ST3GAL3: variants seen among roughly 807,000 people sequenced by gnomAD.
The protein encoded by ST3GAL3 is CMP-N-acetylneuraminate-beta-1,4-galactoside alpha-2,3-sialyltransferase.
ST3GAL3 carries 21 observed loss-of-function variants against 50.1 expected under a neutral mutation model. The observed-to-expected ratio is 0.42, with a 90% CI of 0.30 to 0.60. The LOEUF (loss-of-function observed/expected upper bound fraction) is 0.60, where lower values mean the gene tolerates loss of function less well. Ranked by LOEUF, ST3GAL3 falls within the 20% of genes least tolerant of loss-of-function variation. The pLI, the probability that ST3GAL3 is intolerant of heterozygous loss-of-function variation, is 0.19. For synonymous variants in ST3GAL3, 183 were observed against 190.0 expected, an observed-to-expected ratio of 0.96 and a Z score of 0.30; for missense variants, 353 against 489.4, an observed-to-expected ratio of 0.72 and a Z score of 2.63.
At chr1:43,767,392 G>A (rs1693486399) in intron 2 of ST3GAL3, among the ~76,000 whole-genome samples, 1 of 152,030 alleles carries the variant, frequency 6.6e-6, no homozygotes, top group Non-Finnish European at 1.5e-5. Context: ...AGGTCACAAA[G>A]GTCCTTCTTT....
chr1:43,765,743 CTGTGTGTGTCTGTGTGTG>C (rs143277134), intron 2 of ST3GAL3, among the ~76,000 whole-genome samples: 5,726 of 140,784 alleles, frequency 0.041, 388 homozygotes, highest in African/African-American at 0.14. Flanking sequence ...ATGTGTGTGT[CTGTGTGTGTCTGTGTGTG>C]TGTGTGTGTG....
intron 5 of ST3GAL3, chr1:43,858,005 C>T (rs752880822): frequency 3.2e-5 from 16 of 492,664 alleles, no homozygotes; most frequent in Admixed American, 2.2e-4. Context: ...CAAAACCAAC[C>T]GATCCCTCTT....
At chr1:43,882,563 C>G (rs570139270) in intron 5 of ST3GAL3, among the ~76,000 whole-genome samples, 55 of 152,304 alleles carry the variant, frequency 3.6e-4, no homozygotes, top group African/African-American at 1.2e-3. Context: ...ACAGTGTCTT[C>G]CTCCCTGCAG....
intron 2 of ST3GAL3, among the ~76,000 whole-genome samples, chr1:43,769,246 C>T (rs1384902912): frequency 2.0e-5 from 3 of 152,148 alleles, no homozygotes; most frequent in Non-Finnish European, 4.4e-5. Context: ...CTAGGACTAG[C>T]AGAGAGCTTT....
At chr1:43,882,053 G>A (rs1456436108) in intron 5 of ST3GAL3, among the ~76,000 whole-genome samples, 1 of 152,240 alleles carries the variant, frequency 6.6e-6, no homozygotes, top group African/African-American at 2.4e-5. Context: ...ACAGCCTGCG[G>A]GGGAACTGGG....
At chr1:43,748,125 C>T (rs1008931756) in intron 2 of ST3GAL3, among the ~76,000 whole-genome samples, 6 of 151,948 alleles carry the variant, frequency 3.9e-5, no homozygotes, top group African/African-American at 1.5e-4. Context: ...GAGCAGAAAC[C>T]AAATATATAT....
intron 2 of ST3GAL3, among the ~76,000 whole-genome samples, chr1:43,761,235 G>A (rs900507043): frequency 6.6e-6 from 1 of 152,178 alleles, no homozygotes; most frequent in Admixed American, 6.5e-5. Context: ...ATAGTCACAA[G>A]CCATTGCAGG....
intron 5 of ST3GAL3, among the ~76,000 whole-genome samples, chr1:43,878,270 A>G (rs1480518010): frequency 6.6e-6 from 1 of 152,212 alleles, no homozygotes; most frequent in East Asian, 1.9e-4. Context: ...TAGATAATCC[A>G]GGATTATATC....
rs1232354495 is a variant in ST3GAL3, at chr1:43,899,300, T to C, written c.557+37T>C. On this transcript the variant is annotated intron_variant, in intron 8 of 11. Coordinates refer to ENST00000347631, the MANE Select transcript of ST3GAL3 (RefSeq NM_006279.5). The surrounding 1 kb of genome is among the most constrained non-coding windows in gnomAD (Gnocchi z 5.4). ...AAAATGGCACCTCGGGTGAGTGTCG[T>C]GGCCCCAACCCTTAGTCCTGAGCCC... The C allele has an allele frequency of 1.2e-6, 2 of 1,614,020 alleles. No homozygotes were observed. Among genetic ancestry groups the C allele is most frequent in the Non-Finnish European group, 1.7e-6 (2 of 1,180,038 alleles).
At chr1:43,758,175 A>C (rs938030741) in intron 2 of ST3GAL3, among the ~76,000 whole-genome samples, 7 of 76,944 alleles carry the variant, frequency 9.1e-5, no homozygotes, top group East Asian at 8.3e-4. Context: ...CCCCCCCCCA[A>C]AAAAAAGGCA....
At chr1:43,873,655 C>T (rs1218992852) in intron 5 of ST3GAL3, among the ~76,000 whole-genome samples, 1 of 151,950 alleles carries the variant, frequency 6.6e-6, no homozygotes, top group Non-Finnish European at 1.5e-5. Context: ...TGTGGTGGTG[C>T]GTGCCTGTAA....
intron 1 of ST3GAL3, among the ~76,000 whole-genome samples, chr1:43,734,113 G>C (rs539669383): frequency 9.3e-5 from 14 of 151,302 alleles, no homozygotes; most frequent in Non-Finnish European, 1.8e-4. Context: ...TCCATCTCGG[G>C]GGGTAAAAAA....
intron 1 of ST3GAL3, among the ~76,000 whole-genome samples, chr1:43,714,505 T>C (rs1253283417): frequency 6.6e-6 from 1 of 151,106 alleles, no homozygotes; most frequent in Non-Finnish European, 1.5e-5. Flanking sequence ...CTCTGGAGGC[T>C]GAGGCAGGAG....
At chr1:43,858,404 G>A in intron 5 of ST3GAL3, 1 of 1,094,568 alleles carries the variant, frequency 9.1e-7, no homozygotes, top group Non-Finnish European at 1.2e-6. Context: ...GGAACTGTAG[G>A]GATGCTTAGA....
chr1:43,841,882 C>CT (rs2065437804), intron 5 of ST3GAL3: 1 of 152,216 alleles, frequency 6.6e-6, no homozygotes, highest in Non-Finnish European at 1.5e-5. Context: ...TAAATTCCAA[C>CT]TTTAAGTCAT....
At chr1:43,809,240 C>T (rs1388546933) in intron 3 of ST3GAL3, among the ~76,000 whole-genome samples, 3 of 151,386 alleles carry the variant, frequency 2.0e-5, no homozygotes, top group East Asian at 3.9e-4. Context: ...CAGGGGAAAG[C>T]ATGAGAATAT....
intron 9 of ST3GAL3, among the ~76,000 whole-genome samples, chr1:43,917,489 AATATATATAATATATT>A (rs1173106024): frequency 2.2e-4 from 5 of 23,094 alleles, no homozygotes; most frequent in Admixed American, 1.2e-3. Flanking sequence ...TATAATATAT[AATATATATAATATATT>A]ATATAATATA....
At chr1:43,722,114 C>T (rs1670782320) in intron 1 of ST3GAL3, among the ~76,000 whole-genome samples, 1 of 152,120 alleles carries the variant, frequency 6.6e-6, no homozygotes, top group African/African-American at 2.4e-5. Flanking sequence ...TGTGGTAGGA[C>T]TATATGACAG....
chr1:43,897,151 T>C (rs996479906), intron 6 of ST3GAL3, among the ~76,000 whole-genome samples: 13 of 151,710 alleles, frequency 8.6e-5, no homozygotes, highest in African/African-American at 3.1e-4. Context: ...AAACAGTTCA[T>C]CAGCAAACAC....
Sources: allele counts gnomAD v4.1 joint callset (sites outside exome capture counted in the v4.1 genomes callset), GRCh38; gene constraint gnomAD v4.1.1; non-coding constraint Gnocchi (gnomAD v3.1); transcripts MANE v1.5; gene names NCBI Gene and HGNC (gene_info 2026-07-23, HGNC 2026-07-21).